PTPRZ1: variants seen among roughly 807,000 people sequenced by gnomAD.
The protein encoded by PTPRZ1 is protein tyrosine phosphatase receptor type Z1, also known as receptor-type tyrosine-protein phosphatase zeta.
A neutral mutation model predicts 214.1 loss-of-function variants in PTPRZ1; 82 were observed. That is an observed-to-expected ratio of 0.38 (90% CI 0.32 to 0.46). PTPRZ1 has a LOEUF of 0.46. Ranked by LOEUF, PTPRZ1 falls within the 20% of genes least tolerant of loss-of-function variation. The pLI is 1.00. For synonymous variants in PTPRZ1, 945 were observed against 987.9 expected (o/e 0.96, Z 0.81); for missense variants, 2,603 against 2,748.7 (o/e 0.95, Z 1.19).
intron 10 of PTPRZ1, among the ~76,000 whole-genome samples, chr7:121,999,134 G>C (rs543264546): frequency 1.3e-5 from 2 of 152,068 alleles, no homozygotes; most frequent in Non-Finnish European, 2.9e-5. Flanking sequence ...AACTTGCCAA[G>C]GTATCTCCCA....
At chr7:121,996,798 C>T (rs866463765) in intron 9 of PTPRZ1, among the ~76,000 whole-genome samples, 1 of 152,196 alleles carries the variant, frequency 6.6e-6, no homozygotes, top group Non-Finnish European at 1.5e-5. Flanking sequence ...CCAACAATAA[C>T]ACTATAGAGT....
chr7:121,968,369 G>C (rs1265589631), intron 3 of PTPRZ1, among the ~76,000 whole-genome samples: 1 of 152,052 alleles, frequency 6.6e-6, no homozygotes, highest in Non-Finnish European at 1.5e-5. Flanking sequence ...CAATAATGAT[G>C]CTGCCTCTAG....
chr7:121,939,081 C>T (rs771951767), intron 2 of PTPRZ1, among the ~76,000 whole-genome samples: 34 of 152,154 alleles, frequency 2.2e-4, no homozygotes, highest in Non-Finnish European at 4.1e-4. Flanking sequence ...TACTTTATTT[C>T]CAGTCTCATG....
intron 1 of PTPRZ1, among the ~76,000 whole-genome samples, chr7:121,914,319 GA>G (rs748064786): frequency 7.2e-5 from 11 of 152,132 alleles, no homozygotes; most frequent in Non-Finnish European, 1.2e-4. Context: ...AAGTGGTGTA[GA>G]AGTAACGTTT....
At chr7:122,014,623 A>G (rs1286860399) in intron 12 of PTPRZ1, among the ~76,000 whole-genome samples, 1 of 151,996 alleles carries the variant, frequency 6.6e-6, no homozygotes, top group Non-Finnish European at 1.5e-5. Flanking sequence ...TATTTTTAGT[A>G]AAGACGGGGT....
chr7:121,963,980 G>A (rs898287577), intron 2 of PTPRZ1, among the ~76,000 whole-genome samples: 17 of 152,142 alleles, frequency 1.1e-4, no homozygotes, highest in African/African-American at 4.1e-4. Context: ...CTGATACCTA[G>A]CCATAAAAGT....
At chr7:121,992,365 T>C (rs905945455) in intron 8 of PTPRZ1, among the ~76,000 whole-genome samples, 7 of 152,232 alleles carry the variant, frequency 4.6e-5, no homozygotes, top group Non-Finnish European at 7.3e-5. Context: ...TGCATTTCTC[T>C]GTCTCTTTTC....
intron 2 of PTPRZ1, among the ~76,000 whole-genome samples, chr7:121,940,278 A>C (rs186755497): frequency 6.6e-6 from 1 of 152,366 alleles, no homozygotes; most frequent in East Asian, 1.9e-4. Context: ...AAAAGGGACT[A>C]GTAAAAGAGT....
intron 1 of PTPRZ1, among the ~76,000 whole-genome samples, chr7:121,876,102 T>G (rs1211321459): frequency 6.6e-6 from 1 of 152,228 alleles, no homozygotes; most frequent in Non-Finnish European, 1.5e-5. Context: ...CAGATCATTT[T>G]GTATCTAAAA....
intron 18 of PTPRZ1, among the ~76,000 whole-genome samples, chr7:122,037,776 T>C (rs1246604013): frequency 1.3e-5 from 2 of 152,184 alleles, no homozygotes; most frequent in African/African-American, 2.4e-5. Flanking sequence ...TGTGGGACTT[T>C]GGAAAGCCAC....
At chr7:121,973,308 T>C (rs1215053033) in intron 4 of PTPRZ1, among the ~76,000 whole-genome samples, 2 of 152,118 alleles carry the variant, frequency 1.3e-5, no homozygotes, top group African/African-American at 4.8e-5. Context: ...AAAAATCATG[T>C]TTTTGAATGA....
At chr7:122,023,866 T>G (rs1432933788) in intron 13 of PTPRZ1, among the ~76,000 whole-genome samples, 1 of 143,192 alleles carries the variant, frequency 7.0e-6, no homozygotes, top group Non-Finnish European at 1.5e-5. Context: ...AAAAAAAGAT[T>G]GTAGCCAGAC....
intron 1 of PTPRZ1, among the ~76,000 whole-genome samples, chr7:121,903,101 A>G (rs1916881): frequency 0.058 from 8,871 of 152,202 alleles, 661 homozygotes; most frequent in African/African-American, 0.17. Flanking sequence ...GGAGAACAAG[A>G]CTGTCCAGTC....
intron 1 of PTPRZ1, among the ~76,000 whole-genome samples, chr7:121,892,094 G>A (rs138732184): frequency 1.7e-3 from 263 of 152,154 alleles, no homozygotes; most frequent in African/African-American, 5.9e-3. Flanking sequence ...ATGTCTTAGC[G>A]CTTATAGTTT....
intron 1 of PTPRZ1, among the ~76,000 whole-genome samples, chr7:121,900,841 T>G (rs747106257): frequency 6.6e-6 from 1 of 152,202 alleles, no homozygotes; most frequent in Non-Finnish European, 1.5e-5. Flanking sequence ...CTTCAAAGTC[T>G]AATAATAAGT....
intron 1 of PTPRZ1, among the ~76,000 whole-genome samples, chr7:121,914,525 A>C (rs2116320560): frequency 6.6e-6 from 1 of 152,290 alleles, no homozygotes; most frequent in Non-Finnish European, 1.5e-5. Flanking sequence ...GTGTGGAGGA[A>C]GTTACAGTGG....
rs1233659582 is a variant in PTPRZ1 at position 121,956,171 on chromosome 7, A to G, written c.125-11780A>G. ...AACTACCCGTCCTCTCTGCTTGTCC[A>G]TCAGGAATATTGACTTTCCCAAACA... On this transcript the variant is annotated intron_variant, in intron 2 of 29. Transcript: ENST00000393386. 2.0e-5 allele frequency among the ~76,000 whole-genome samples: 3 copies of G among 151,974 alleles called. No homozygotes were observed. In the East Asian group the frequency reaches 5.8e-4, roughly 29 times the overall value.
chr7:121,951,004 T>A (rs1279817109), intron 2 of PTPRZ1, among the ~76,000 whole-genome samples: 3 of 152,192 alleles, frequency 2.0e-5, no homozygotes, highest in Non-Finnish European at 4.4e-5. Flanking sequence ...TAATTTTGAT[T>A]TAGAAGATTA....
chr7:122,047,681 C>T (rs2150485349), intron 23 of PTPRZ1, among the ~76,000 whole-genome samples: 1 of 148,638 alleles, frequency 6.7e-6, no homozygotes. Flanking sequence ...CAGGGTCTCA[C>T]TCTGTCACCC....
Sources: allele counts gnomAD v4.1 joint callset (sites outside exome capture counted in the v4.1 genomes callset), GRCh38; gene constraint gnomAD v4.1.1; transcripts MANE v1.5; gene names NCBI Gene and HGNC (gene_info 2026-07-23, HGNC 2026-07-21).